Variants in ZNF444 observed in about 807,000 individuals in gnomAD.
ZNF444 encodes the protein zinc finger protein 444, also known as endothelial zinc finger protein 2.
In ZNF444, 8 loss-of-function variants were observed where a neutral mutation model predicts 14.4. The observed-to-expected ratio is 0.56, with a 90% confidence interval of 0.33 to 1.00. The LOEUF is 1.00. ZNF444 is among the 50% of genes least tolerant of loss of function. ZNF444 has a pLI of 0.03. For missense variants in ZNF444, 510 were observed against 504.8 expected (o/e 1.01, Z -0.10); for synonymous variants, 258 against 235.9 (o/e 1.09, Z -0.86).
upstream of ZNF444, among the ~76,000 whole-genome samples, chr19:56,140,717 G>T (rs2030742115): frequency 6.6e-6 from 1 of 152,156 alleles, no homozygotes; most frequent in Admixed American, 6.5e-5. Context: ...TCAAGGAGAC[G>T]TAGCCTGCAC....
At chr19:56,153,227 A>C (rs896232169) in intron 3 of ZNF444, among the ~76,000 whole-genome samples, 4 of 152,072 alleles carry the variant, frequency 2.6e-5, no homozygotes, top group African/African-American at 9.7e-5. Context: ...AGTCTAGGGG[A>C]CTTAGAGAAA....
At chr19:56,136,150 A>G (rs1290200209) in intron 1 of ZNF444, among the ~76,000 whole-genome samples, 1 of 151,280 alleles carries the variant, frequency 6.6e-6, no homozygotes, top group Non-Finnish European at 1.5e-5. Flanking sequence ...GCCCTTATTA[A>G]CCACGCTCAC....
chr19:56,143,393 G>T (rs138405675), intron 1 of ZNF444: 4 of 152,356 alleles, frequency 2.6e-5, no homozygotes, highest in Admixed American at 2.0e-4. Flanking sequence ...GTCCCAGAGG[G>T]ATCTTTTTTA....
chr19:56,142,226 T>C (rs1308288953), intron 1 of ZNF444: 1 of 152,234 alleles, frequency 6.6e-6, no homozygotes, highest in East Asian at 1.9e-4. Flanking sequence ...GGACACTTAC[T>C]AGCCAGGTGT....
At position 56,158,523 on chromosome 19, in the gene ZNF444, A is replaced by G. The variant is rs1397600821; in HGVS notation, c.327A>G (p.Ser109=). 1.9e-6 allele frequency: 3 copies of G among 1,611,692 alleles called. No homozygotes were observed. Among genetic ancestry groups the G allele is most frequent in the African/African-American group, 2.7e-5 (2 of 74,896 alleles). Residue 109 remains serine, a synonymous_variant, in exon 4 of 5, where the codon TCA becomes TCG. Coordinates refer to ENST00000337080, the MANE Select transcript of ZNF444 (RefSeq NM_018337.4). ...WGPAASPDGS[S]ATRVPQDVTQ... ...CAGCAGCCTCCCCCGATGGGTCGTC[A>G]GCAACGAGGGTGCCTCAGGATGTGA... is the stretch of plus-strand genomic sequence containing the variant.
At chr19:56,159,590 C>G in intron 4 of ZNF444, 34 bp from the exon 5 acceptor site, 1 of 1,418,534 alleles carries the variant, frequency 7.0e-7, no homozygotes, top group Non-Finnish European at 9.2e-7. Context: ...CGCCCTCGTG[C>G]CGACCCAGAT....
chr19:56,143,913 G>A (rs1182238954), intron 1 of ZNF444, among the ~76,000 whole-genome samples: 1 of 152,160 alleles, frequency 6.6e-6, no homozygotes, highest in Non-Finnish European at 1.5e-5. Context: ...GTCATGAGAA[G>A]GAGTCAGGTA....
chr19:56,143,224 G>A (rs1301953865), intron 1 of ZNF444: 1 of 152,400 alleles, frequency 6.6e-6, no homozygotes, highest in Non-Finnish European at 1.5e-5. Flanking sequence ...TGTGCTGGAT[G>A]GCCCCACCGA....
In ZNF444 at chr19:56,145,424, A is replaced by G. The variant is rs1213372132; in HGVS notation, c.-196-823A>G. On this transcript the variant is annotated intron_variant, in intron 1 of 4. Coordinates refer to ENST00000337080, the MANE Select transcript of ZNF444 (RefSeq NM_018337.4). The surrounding 1 kb of genome is among the most constrained non-coding windows in gnomAD (Gnocchi z 4.3). ...AACCTGGCGAAACCCCGTCTCTACT[A>G]AAAATACAAAAATTATCCGGACGTG... Among the ~76,000 whole-genome samples the G allele has an allele frequency of 6.6e-6, 1 of 152,142 alleles. No individual in the cohort carries two copies. Among genetic ancestry groups the G allele is most frequent in the East Asian group, 1.9e-4 (1 of 5,196 alleles).
In ZNF444 at chr19:56,147,885, T is replaced by G. The variant is rs933570696; in HGVS notation, c.297+677T>G. Among the ~76,000 whole-genome samples, 1 of 152,172 alleles carries G rather than the reference T, an allele frequency of 6.6e-6. No homozygotes were observed. The highest frequency in any genetic ancestry group is 2.4e-5 in the African/African-American group (1 of 41,438). On this transcript the variant is annotated intron_variant, in intron 3 of 4. Transcript: ENST00000337080. This position sits in a 1 kb window ranked among gnomAD's most constrained non-coding sequence, Gnocchi z 5.9. ...GACCACACAGCAGGCAAGGGCCGAC[T>G]CACGTTCTGGGTGAAGTCTTGGTGC...
rs995171042 is a variant in ZNF444 at position 56,159,943 on chromosome 19, T to C, written c.726T>C (p.Pro242=). The C allele has an allele frequency of 7.3e-6, 11 of 1,499,500 alleles. No individual in the cohort carries two copies. The highest frequency in any genetic ancestry group is 9.7e-6 in the Non-Finnish European group (11 of 1,130,622). 92.9% of individuals were successfully genotyped at this position (1,499,500 alleles called of 1,614,324 possible). ...SPGSPGPALR[P]LPAREKPHAC... is the part of the protein sequence containing the mutation. ...GCAGCCCCGGGCCCGCGCTGCGCCC[T>C]CTGCCCGCCCGTGAGAAGCCCCACG... The change falls in exon 5 of 5, where the codon CCT becomes CCC. Residue 242 remains proline (P), a synonymous_variant. Transcript: ENST00000337080.
intron 1 of ZNF444, among the ~76,000 whole-genome samples, chr19:56,135,261 C>T (rs557592448): frequency 1.3e-5 from 2 of 152,268 alleles, no homozygotes; most frequent in South Asian, 4.1e-4. Context: ...AAGATAGCCA[C>T]AGCTGGGCAT....
chr19:56,158,430 G>T, intron 3 of ZNF444, 64 bp from the exon 4 acceptor site: 1 of 1,438,300 alleles, frequency 7.0e-7, no homozygotes, highest in Non-Finnish European at 9.4e-7. Context: ...GACGGTGGTT[G>T]GGAGAGGGAG....
rs1412822969 is a variant in ZNF444 at position 56,160,215 on chromosome 19, A to T, written c.*14A>T. ...CCCTTGGGTTAGCCGCCTCCCGGCC[A>T]GCGCCATCTCCCGCCCTTGGTGCTG... On this transcript the variant is annotated 3_prime_UTR_variant, in exon 5 of 5. Coordinates refer to ENST00000337080, the MANE Select transcript of ZNF444 (RefSeq NM_018337.4). The T allele has an allele frequency of 7.0e-7, 1 of 1,425,876 alleles. No individual in the cohort carries two copies. The highest frequency in any genetic ancestry group is 9.1e-7 in the Non-Finnish European group (1 of 1,101,590). The allele number at this position is 1,425,876 out of a possible 1,614,324, so 88.3% of individuals were successfully genotyped here. A position where few individuals can be genotyped will look rare whatever the true frequency, so the allele number is the denominator to read the frequency against.
At position 56,159,941 on chromosome 19, in the gene ZNF444, C is replaced by T; in HGVS notation, c.724C>T (p.Pro242Ser). 1 of 1,501,422 alleles carries T rather than the reference C, an allele frequency of 6.7e-7. No individual in the cohort carries two copies. Among genetic ancestry groups the T allele is most frequent in the Admixed American group, 2.2e-5 (1 of 46,150 alleles). The allele number at this position is 1,501,422 out of a possible 1,614,324, so 93.0% of individuals were successfully genotyped here. A position where few individuals can be genotyped will look rare whatever the true frequency, so the allele number is the denominator to read the frequency against. Residue 242 changes from proline to serine, a missense_variant, in exon 5 of 5, where the codon CCT becomes TCT. Coordinates refer to ENST00000337080, the MANE Select transcript of ZNF444 (RefSeq NM_018337.4). ...CGGCAGCCCCGGGCCCGCGCTGCGC[C>T]CTCTGCCCGCCCGTGAGAAGCCCCA... is the stretch of plus-strand genomic sequence containing the variant. The part of the protein sequence containing the change: ...SPGSPGPALR[P>S]LPAREKPHAC...
intron 1 of ZNF444, among the ~76,000 whole-genome samples, chr19:56,136,238 C>T (rs1444351418): frequency 6.6e-6 from 1 of 152,110 alleles, no homozygotes; most frequent in Non-Finnish European, 1.5e-5. Flanking sequence ...CCCAGGCTCT[C>T]TCGGCTGGGG....
chr19:56,158,860 T>A (rs565233738), intron 4 of ZNF444, among the ~76,000 whole-genome samples: 46 of 151,664 alleles, frequency 3.0e-4, no homozygotes, highest in Non-Finnish European at 5.5e-4. Context: ...CTCTATCATA[T>A]ACCCACCCAT....
chr19:56,134,243 G>A (rs1251504555), intron 1 of ZNF444, among the ~76,000 whole-genome samples: 1 of 152,070 alleles, frequency 6.6e-6, no homozygotes. Context: ...TATTATTTGG[G>A]GTAATAATTA....
Position 56,159,745 on chromosome 19 carries a change from G to A in ZNF444, c.528G>A (p.Pro176=), listed in dbSNP as rs776280033. ...APGLPAFLAA[P]GTTSCPECGK... ...GCCTGCCCGCCTTCCTAGCGGCCCC[G>A]GGCACCACGTCCTGCCCCGAGTGCG... Residue 176 remains proline, a synonymous_variant, in exon 5 of 5, where the codon CCG becomes CCA. Transcript: ENST00000337080. 2 of 1,586,628 alleles carry A rather than the reference G, an allele frequency of 1.3e-6. No individual in the cohort carries two copies. The highest frequency in any genetic ancestry group is 1.7e-5 in the Admixed American group (1 of 57,716).
Sources: allele counts gnomAD v4.1 joint callset (sites outside exome capture counted in the v4.1 genomes callset), GRCh38; gene constraint gnomAD v4.1.1; non-coding constraint Gnocchi (gnomAD v3.1); transcripts MANE v1.5; gene names NCBI Gene and HGNC (gene_info 2026-07-23, HGNC 2026-07-21).